RALY: variants seen among roughly 807,000 people sequenced by gnomAD.
RALY encodes RNA-binding protein Raly.
Under a neutral mutation model 30.7 loss-of-function variants are expected in RALY, and 15 were observed. The ratio of observed to expected loss-of-function variants is 0.49; its 90% confidence interval spans 0.33 to 0.75. The LOEUF is 0.75. Among genes scored for constraint, RALY ranks in the 30% least tolerant of loss-of-function variants. RALY has a pLI of 0.02. For synonymous variants in RALY, 177 were observed against 170.8 expected (o/e 1.04, Z -0.28); for missense variants, 339 against 414.3 (o/e 0.82, Z 1.58).
At chr20:34,061,740 A>C (rs2033423597) in intron 2 of RALY, among the ~76,000 whole-genome samples, 1 of 152,160 alleles carries the variant, frequency 6.6e-6, no homozygotes, top group Non-Finnish European at 1.5e-5. Context: ...TCTTCTCCAC[A>C]ATTCTGTAGT....
In RALY at chr20:34,075,924, T is replaced by C. The variant is rs755513602; in HGVS notation, c.428T>C (p.Val143Ala). The C allele has an allele frequency of 5.6e-5, 91 of 1,613,928 alleles. No individual in the cohort carries two copies. The highest frequency in any genetic ancestry group is 7.5e-5 in the Non-Finnish European group (88 of 1,180,000). Residue 143 changes from valine to alanine, a missense_variant, in exon 6 of 10, where the codon GTC becomes GCC. Val to Ala is a moderately conservative substitution (Grantham distance 64). Transcript: ENST00000246194. ...TCGCCCGTGCCAGTGCCCAGGGCGGTCCCTGTGAAGCGACCCCGGGTCACA... is the reference window on the plus strand; with the variant it reads ...TCGCCCGTGCCAGTGCCCAGGGCGGCCCCTGTGAAGCGACCCCGGGTCACA... ...RLSPVPVPRAVPVKRPRVTVP... is the reference protein window; with the variant it reads ...RLSPVPVPRAAPVKRPRVTVP...
At chr20:33,995,968 C>A (rs1180701091) in intron 1 of RALY, among the ~76,000 whole-genome samples, 1 of 152,164 alleles carries the variant, frequency 6.6e-6, no homozygotes, top group Non-Finnish European at 1.5e-5. Flanking sequence ...TAGTCCCCAC[C>A]CCTTTCTGTG....
chr20:33,996,156 T>C (rs2030616323), intron 1 of RALY, among the ~76,000 whole-genome samples: 1 of 152,218 alleles, frequency 6.6e-6, no homozygotes, highest in African/African-American at 2.4e-5. Context: ...GTCTCTTTTT[T>C]TACTGTGAGG....
rs2034047068 is a variant in RALY at position 34,082,590 on chromosome 20, T to C, written c.*2685T>C. 1 of 152,204 alleles carries C rather than the reference T, an allele frequency of 6.6e-6. No homozygotes were observed. The highest frequency in any genetic ancestry group is 2.4e-5 in the African/African-American group (1 of 41,432). The allele number at this position is 152,204 out of a possible 1,614,324, so 9.4% of individuals were successfully genotyped here. A position where few individuals can be genotyped will look rare whatever the true frequency, so the allele number is the denominator to read the frequency against. Reference sequence around the variant, plus strand: ...CATCAGCTCTACTCACCTTGGCCCATAAGGCTTTGCCTGGTCATGCTGGCA... The same window carrying C: ...CATCAGCTCTACTCACCTTGGCCCACAAGGCTTTGCCTGGTCATGCTGGCA... On this transcript the variant is annotated 3_prime_UTR_variant, in exon 10 of 10. Transcript: ENST00000246194.
intron 1 of RALY, chr20:34,017,381 T>C (rs957104537): frequency 1.3e-5 from 2 of 152,272 alleles, no homozygotes; most frequent in Non-Finnish European, 2.9e-5. Flanking sequence ...GCAACACCGA[T>C]TCCAATCTGA....
At chr20:34,028,500 C>T (rs565182146) in intron 1 of RALY, among the ~76,000 whole-genome samples, 5 of 151,196 alleles carry the variant, frequency 3.3e-5, no homozygotes, top group South Asian at 4.2e-4. Flanking sequence ...GTCAGGAGAT[C>T]GAGACCATCC....
Position 34,077,382 on chromosome 20 carries a change from T to G in RALY, c.876+137T>G, listed in dbSNP as rs1381269485. On this transcript the variant is annotated intron_variant, in intron 8 of 9. Coordinates refer to ENST00000246194, the MANE Select transcript of RALY (RefSeq NM_016732.3). ...CTCTCCTTCCCAGGGGTTCTGGTCC[T>G]GGGGGAAAGAGGGAAGAATGAGCAG... is the stretch of plus-strand genomic sequence containing the variant. 56 of 1,526,264 alleles carry G rather than the reference T, an allele frequency of 3.7e-5. No individual in the cohort carries two copies. The Admixed American group carries it at 1.1e-3, about 30-fold the overall frequency. 94.5% of individuals were successfully genotyped at this position (1,526,264 alleles called of 1,614,324 possible).
intron 1 of RALY, among the ~76,000 whole-genome samples, chr20:34,012,997 A>G (rs1237761809): frequency 6.6e-6 from 1 of 152,186 alleles, no homozygotes; most frequent in Admixed American, 6.5e-5. Context: ...TACTTGGACT[A>G]CTCATACAGC....
intron 1 of RALY, among the ~76,000 whole-genome samples, chr20:33,999,149 A>G (rs207477538): frequency 6.6e-6 from 1 of 151,560 alleles, no homozygotes; most frequent in Non-Finnish European, 1.5e-5. Context: ...AAAGGAAAGA[A>G]AAAAGGTGGA....
chr20:34,071,394 C>T (rs1420704970), intron 2 of RALY, among the ~76,000 whole-genome samples: 1 of 151,986 alleles, frequency 6.6e-6, no homozygotes, highest in Non-Finnish European at 1.5e-5. Context: ...TTTCCTGCCT[C>T]AGCCTCCCGA....
intron 8 of RALY, 34 bp downstream of exon 8, chr20:34,077,279 G>A (rs756417671): frequency 1.4e-5 from 23 of 1,610,916 alleles, no homozygotes; most frequent in African/African-American, 4.0e-5. Context: ...ACTGGGACTC[G>A]ACTGTGCTCC....
chr20:34,023,967 A>C (rs2031924931), intron 1 of RALY, among the ~76,000 whole-genome samples: 1 of 152,094 alleles, frequency 6.6e-6, no homozygotes, highest in South Asian at 2.1e-4. Flanking sequence ...TTGGGAGTCC[A>C]AGGCGGGCGG....
At chr20:34,047,947 C>T (rs147468656) in intron 2 of RALY, among the ~76,000 whole-genome samples, 2 of 152,286 alleles carry the variant, frequency 1.3e-5, no homozygotes, top group Middle Eastern at 3.4e-3. Flanking sequence ...TTTCCTTCCT[C>T]AAGTTCAGAC....
At chr20:34,070,495 A>G (rs1243686678) in intron 2 of RALY, among the ~76,000 whole-genome samples, 3 of 152,272 alleles carry the variant, frequency 2.0e-5, no homozygotes, top group African/African-American at 7.2e-5. Context: ...TAAGCCAAAC[A>G]GAACAAAATT....
chr20:34,062,651 C>T (rs533528730), intron 2 of RALY, among the ~76,000 whole-genome samples: 14 of 152,238 alleles, frequency 9.2e-5, no homozygotes, highest in Non-Finnish European at 1.8e-4. Flanking sequence ...GAACATGGCA[C>T]CTTCCAACTT....
intron 1 of RALY, among the ~76,000 whole-genome samples, chr20:34,031,211 ATTTTTTTTT>A (rs11297874): frequency 9.0e-6 from 1 of 110,872 alleles, no homozygotes; most frequent in Non-Finnish European, 1.8e-5. Context: ...TGCCTGGCTA[ATTTTTTTTT>A]TTTTTTTTTT....
Position 34,072,119 on chromosome 20 carries a change from C to A in RALY, c.45C>A (p.Asp15Glu). 6.2e-7 allele frequency: 1 copy of A among 1,614,226 alleles called. No individual in the cohort carries two copies. The highest frequency in any genetic ancestry group is 8.5e-7 in the Non-Finnish European group (1 of 1,180,038). Residue 15 changes from aspartate (D) to glutamate (E), a missense_variant, in exon 3 of 10, where the codon GAC becomes GAA. By Grantham distance (45) the Asp-to-Glu change is conservative. This residue lies in a region of RALY where 71 missense variants were observed against 133.7 expected (regional missense o/e 0.53). Transcript: ENST00000246194. ...CAAGCAATGTAACCAACAAGAATGA[C>A]CCCAAGTCCATCAACTCTCGAGTCT... is the stretch of plus-strand genomic sequence containing the variant. ...LQASNVTNKN[D>E]PKSINSRVFI...
intron 2 of RALY, among the ~76,000 whole-genome samples, chr20:34,032,797 A>G (rs1239357748): frequency 6.6e-6 from 1 of 152,120 alleles, no homozygotes; most frequent in Non-Finnish European, 1.5e-5. Context: ...GTTCTTCCAG[A>G]CCTGACCTTC....
At chr20:33,994,895 A>C (rs1038380471) in intron 1 of RALY, among the ~76,000 whole-genome samples, 3 of 152,218 alleles carry the variant, frequency 2.0e-5, no homozygotes, top group Non-Finnish European at 2.9e-5. Flanking sequence ...TAATGTTCAC[A>C]ACGGCCTTCT....
Sources: gnomAD v4.1 joint callset for allele counts (sites outside exome capture counted in the v4.1 genomes callset) on GRCh38, gnomAD v4.1.1 for gene constraint, gnomAD v4.1.1 regional missense constraint, MANE v1.5 for transcripts, NCBI Gene and HGNC (gene_info 2026-07-23, HGNC 2026-07-21) for gene names.